ATG3: variants seen among roughly 807,000 people sequenced by gnomAD.
The protein encoded by ATG3 is autophagy related 3, also known as ubiquitin-like-conjugating enzyme ATG3.
A neutral mutation model predicts 50.7 loss-of-function variants in ATG3; 25 were observed. The ratio of observed to expected loss-of-function variants is 0.49; its 90% confidence interval spans 0.36 to 0.69. The LOEUF is 0.69. Among genes scored for constraint, ATG3 ranks in the 30% least tolerant of loss-of-function variants. The probability of loss-of-function intolerance (pLI) is 0.00; values close to 1 mark genes in which losing one functional copy is unlikely to be tolerated. For synonymous variants in ATG3, 119 were observed against 125.5 expected (o/e 0.95, Z 0.34); for missense variants, 281 against 376.0 (o/e 0.75, Z 2.09).
rs575167082 is a variant in ATG3 at position 112,538,200 on chromosome 3, A to G, written c.476-20T>C. 51 of 1,555,608 alleles carry G rather than the reference A, an allele frequency of 3.3e-5. No homozygotes were observed. In the East Asian group the frequency reaches 6.6e-4, roughly 20 times the overall value. On this transcript the variant is annotated intron_variant, in intron 7 of 11. Transcript: ENST00000283290. ...CATATTCTGTTATAAAAAAACAACA[A>G]AAGATTAATCAAGTTCAAGTTCAAG...
rs1933052433 is a variant in ATG3 at position 112,536,498 on chromosome 3, G to A, written c.771C>T (p.Pro257=). The A allele has an allele frequency of 4.3e-6, 7 of 1,613,774 alleles. No individual in the cohort carries two copies. The highest frequency in any genetic ancestry group is 5.9e-6 in the Non-Finnish European group (7 of 1,179,710). The change falls in exon 10 of 12, where the codon CCC becomes CCT. Residue 257 remains proline (P), a synonymous_variant. Transcript: ENST00000283290. ...ACCTGCATGGGTGAACTGAACACATGGGAGGTGGTGGCAGATGAGGGTGAT... is the reference window on the plus strand; with the variant it reads ...ACCTGCATGGGTGAACTGAACACATAGGAGGTGGTGGCAGATGAGGGTGAT... ...IENHPHLPPP[P]MCSVHPCRHA... is the part of the protein sequence containing the mutation.
At chr3:112,546,146 C>CA (rs891072816) in intron 5 of ATG3, among the ~76,000 whole-genome samples, 13 of 151,186 alleles carry the variant, frequency 8.6e-5, no homozygotes, top group East Asian at 5.8e-4. Context: ...AAAAAAAACA[C>CA]AAAAAAACAA....
At chr3:112,543,873 G>T in intron 6 of ATG3, 184 bp downstream of exon 6, 1 of 459,554 alleles carries the variant, frequency 2.2e-6, no homozygotes. Flanking sequence ...CAGCAGTAGT[G>T]TTTTGGTGTG....
intron 7 of ATG3, 35 bp downstream of exon 7, chr3:112,541,768 C>G: frequency 1.3e-6 from 2 of 1,507,580 alleles, no homozygotes; most frequent in Non-Finnish European, 1.8e-6. Flanking sequence ...AATCAATATT[C>G]TAGTGGAACT....
intron 2 of ATG3, among the ~76,000 whole-genome samples, chr3:112,554,698 A>G (rs1447641581): frequency 6.6e-6 from 1 of 152,242 alleles, no homozygotes; most frequent in Non-Finnish European, 1.5e-5. Flanking sequence ...TCATGGGTTT[A>G]CTACACAGCA....
chr3:112,557,218 A>G (rs1470199439), intron 2 of ATG3, among the ~76,000 whole-genome samples: 1 of 151,994 alleles, frequency 6.6e-6, no homozygotes, highest in Non-Finnish European at 1.5e-5. Flanking sequence ...CGCCCCGCTA[A>G]TTTTTTATAT....
At chr3:112,560,301 TTGAC>T (rs1208893744) in intron 1 of ATG3, among the ~76,000 whole-genome samples, 3 of 152,226 alleles carry the variant, frequency 2.0e-5, no homozygotes, top group Non-Finnish European at 4.4e-5. Context: ...CAATCTTAGT[TTGAC>T]TGAATAATCT....
At chr3:112,543,230 AT>A (rs1444975988) in intron 6 of ATG3, among the ~76,000 whole-genome samples, 2 of 152,114 alleles carry the variant, frequency 1.3e-5, no homozygotes, top group Non-Finnish European at 2.9e-5. Context: ...CCTCTAAGTG[AT>A]TTGATGGTTA....
intron 2 of ATG3, among the ~76,000 whole-genome samples, chr3:112,557,479 G>A (rs1183067021): frequency 3.9e-5 from 6 of 152,160 alleles, no homozygotes; most frequent in Non-Finnish European, 5.9e-5. Context: ...TTAGCTGGGC[G>A]TGGTGGCGCT....
chr3:112,550,361 A>G lies in ATG3; in HGVS notation c.165-99T>C, dbSNP rs72940050. On this transcript the variant is annotated intron_variant, in intron 3 of 11. Coordinates refer to ENST00000283290, the MANE Select transcript of ATG3 (RefSeq NM_022488.5). ...TATAAATCTCAAAATGATATAATCCATAATTCTCAGAAAATTGGTTTAAAA... is the reference window on the plus strand; with the variant it reads ...TATAAATCTCAAAATGATATAATCCGTAATTCTCAGAAAATTGGTTTAAAA... The G allele has an allele frequency of 2.1e-3, 2,038 of 986,190 alleles. 22 individuals are homozygous for G. The African/African-American group carries it at 0.03, about 15-fold the overall frequency. The allele number at this position is 986,190 out of a possible 1,614,324, so 61.1% of individuals were successfully genotyped here.
chr3:112,558,851 C>T (rs989357334), intron 1 of ATG3, among the ~76,000 whole-genome samples: 2 of 151,990 alleles, frequency 1.3e-5, no homozygotes, highest in Non-Finnish European at 2.9e-5. Context: ...ATTCTCCTGC[C>T]TCAGCCTCCT....
chr3:112,532,988 T>G, intron 11 of ATG3: 1 of 1,196,216 alleles, frequency 8.4e-7, no homozygotes, highest in Non-Finnish European at 1.0e-6. Flanking sequence ...ATTCGATTAT[T>G]GAATTTGAAA....
At chr3:112,556,404 G>A (rs1357694088) in intron 2 of ATG3, among the ~76,000 whole-genome samples, 2 of 148,708 alleles carry the variant, frequency 1.3e-5, no homozygotes, top group African/African-American at 2.5e-5. Context: ...AGGGAGGTGG[G>A]GGGGTCAGCC....
At chr3:112,549,997 A>C (rs900215109) in intron 4 of ATG3, among the ~76,000 whole-genome samples, 195 bp downstream of exon 4, 2 of 152,182 alleles carry the variant, frequency 1.3e-5, no homozygotes, top group African/African-American at 4.8e-5. Flanking sequence ...ACTTCAAAAA[A>C]ATCCACTTAG....
intron 10 of ATG3, 49 bp downstream of exon 10, chr3:112,536,426 G>A (rs1933050663): frequency 6.3e-7 from 1 of 1,593,172 alleles, no homozygotes; most frequent in Non-Finnish European, 8.6e-7. Flanking sequence ...ATAAATCCAT[G>A]AAATATACAA....
chr3:112,554,399 C>T (rs1933608800), intron 2 of ATG3, among the ~76,000 whole-genome samples: 1 of 152,230 alleles, frequency 6.6e-6, no homozygotes, highest in African/African-American at 2.4e-5. Flanking sequence ...TAAGAAGGTT[C>T]TTTGTAATTC....
At chr3:112,558,985 C>G (rs568415788) in intron 1 of ATG3, among the ~76,000 whole-genome samples, 2 of 152,132 alleles carry the variant, frequency 1.3e-5, no homozygotes, top group Non-Finnish European at 2.9e-5. Context: ...GTGATCCACC[C>G]GCCTCGGCCT....
At chr3:112,554,225 G>A (rs960960736) in intron 2 of ATG3, among the ~76,000 whole-genome samples, 1 of 152,188 alleles carries the variant, frequency 6.6e-6, no homozygotes, top group Admixed American at 6.5e-5. Flanking sequence ...CCCAAGCTAA[G>A]CCATCATATA....
chr3:112,534,198 A>G (rs1326770842), intron 11 of ATG3, 71 bp downstream of exon 11: 1 of 1,531,410 alleles, frequency 6.5e-7, no homozygotes, highest in Non-Finnish European at 8.8e-7. Flanking sequence ...CATTAAGGTT[A>G]CACTAAATTT....
Sources: allele counts gnomAD v4.1 joint callset (sites outside exome capture counted in the v4.1 genomes callset), GRCh38; gene constraint gnomAD v4.1.1; transcripts MANE v1.5; gene names NCBI Gene and HGNC (gene_info 2026-07-23, HGNC 2026-07-21).